Variants in CPED1 observed in about 807,000 individuals in gnomAD.
CPED1 encodes cadherin-like and PC-esterase domain-containing protein 1.
CPED1 carries 114 observed loss-of-function variants against 128.2 expected under a neutral mutation model. The ratio of observed to expected loss-of-function variants is 0.89; its 90% CI spans 0.76 to 1.04. The LOEUF (loss-of-function observed/expected upper bound fraction) is 1.04, where lower values mean the gene tolerates loss of function less well. Among genes scored for constraint, CPED1 ranks in the 50% least tolerant of loss-of-function variants. The pLI, the probability that CPED1 is intolerant of heterozygous loss-of-function variation, is 0.00. For missense variants in CPED1, 1,211 were observed against 1,207.1 expected (o/e 1.00, Z -0.05); for synonymous variants, 462 against 426.7 (o/e 1.08, Z -1.02).
chr7:121,112,219 C>T (rs1795129079), intron 7 of CPED1, among the ~76,000 whole-genome samples: 1 of 152,114 alleles, frequency 6.6e-6, no homozygotes. Context: ...AGGATATGTC[C>T]ATATCCTTAC....
At position 121,226,163 on chromosome 7, in the gene CPED1, C is replaced by T. The variant is rs147678103; in HGVS notation, c.2056-10551C>T. On this transcript the variant is annotated intron_variant, in intron 16 of 22. Coordinates refer to ENST00000310396, the MANE Select transcript of CPED1 (RefSeq NM_024913.5). ...TGTTGGTAATCTACAGATGGGGTTT[C>T]GGTGTGGATGTCCTTTTTGTTGATG... is the stretch of plus-strand genomic sequence containing the variant. 1.7e-3 allele frequency among the ~76,000 whole-genome samples: 255 copies of T among 152,130 alleles called. 6 individuals carry two copies. In the East Asian group the frequency reaches 0.04, roughly 24 times the overall value.
intron 16 of CPED1, among the ~76,000 whole-genome samples, chr7:121,221,128 G>A (rs116214532): frequency 9.9e-5 from 15 of 151,624 alleles, no homozygotes; most frequent in African/African-American, 1.9e-4. Context: ...TCCCCCACCC[G>A]ACAGGCCCCT....
intron 4 of CPED1, among the ~76,000 whole-genome samples, chr7:121,049,332 G>A (rs188742977): frequency 6.6e-6 from 1 of 152,322 alleles, no homozygotes; most frequent in Admixed American, 6.5e-5. Context: ...AACCAAGAAG[G>A]AGGTGTCCTT....
chr7:121,279,207 G>C (rs956858637), intron 22 of CPED1, among the ~76,000 whole-genome samples: 1 of 151,938 alleles, frequency 6.6e-6, no homozygotes, highest in African/African-American at 2.4e-5. Flanking sequence ...GGTTAGCTTA[G>C]TGTGACCCAG....
chr7:121,260,897 GATTTT>G (rs781687489), intron 18 of CPED1, among the ~76,000 whole-genome samples: 1 of 152,000 alleles, frequency 6.6e-6, no homozygotes, highest in Non-Finnish European at 1.5e-5. Context: ...AAAGGAAAAT[GATTTT>G]AATTTTTTTT....
intron 22 of CPED1, among the ~76,000 whole-genome samples, chr7:121,287,191 G>C (rs965048469): frequency 1.3e-5 from 2 of 152,060 alleles, no homozygotes; most frequent in African/African-American, 4.8e-5. Context: ...GGGATTTAAA[G>C]ATCATGAACC....
chr7:121,287,580 A>G (rs1303745956), intron 22 of CPED1, among the ~76,000 whole-genome samples: 1 of 152,190 alleles, frequency 6.6e-6, no homozygotes, highest in Admixed American at 6.5e-5. Context: ...CATAGTGACT[A>G]ATGAATACCT....
At chr7:121,036,507 A>ATATAT (rs1449540146) in intron 3 of CPED1, among the ~76,000 whole-genome samples, 94 of 133,898 alleles carry the variant, frequency 7.0e-4, no homozygotes, top group African/African-American at 2.6e-3. Flanking sequence ...ATATATATAT[A>ATATAT]TTTTTTTTTT....
chr7:121,127,160 T>G lies in CPED1; in HGVS notation c.1205T>G (p.Leu402Arg). Residue 402 changes from leucine to arginine, a missense_variant, in exon 10 of 23, where the codon CTT (leucine) becomes CGT (arginine). Transcript: ENST00000310396. ...DFEDQNTEEF[L>R]LNDTFNFLFP... ...GAGGACCAAAATACAGAAGAATTCC[T>G]TTTAAATGACACTTTCAATTTTCTC... is the stretch of plus-strand genomic sequence containing the variant. 6.3e-7 allele frequency: 1 copy of G among 1,596,148 alleles called. No homozygotes were observed. The highest frequency in any genetic ancestry group is 1.1e-5 in the South Asian group (1 of 90,622).
rs374141620 is a variant in CPED1, at chr7:121,129,287, GTATATATA to G, written c.1407+818_1408-814del. On this transcript the variant is annotated intron_variant, in intron 11 of 22. Coordinates refer to ENST00000310396, the MANE Select transcript of CPED1 (RefSeq NM_024913.5). The stretch of plus-strand genomic sequence containing the variant: ...AAAGTATATGTGTGTGTGTATATAT[GTATATATA>G]TATATATATATATATACGTATATAT... Among the ~76,000 whole-genome samples, 114 of 52,006 alleles carry G rather than the reference GTATATATA, an allele frequency of 2.2e-3. 1 individual carries two copies. The highest frequency in any genetic ancestry group is 5.2e-3 in the African/African-American group (92 of 17,664). 34.1% of individuals were successfully genotyped at this position (52,006 alleles called of 152,430 possible).
chr7:121,140,894 T>G lies in CPED1; in HGVS notation c.1767T>G (p.Phe589Leu). 1 of 1,612,598 alleles carries G rather than the reference T, an allele frequency of 6.2e-7. No individual in the cohort carries two copies. Among genetic ancestry groups the G allele is most frequent in the Non-Finnish European group, 8.5e-7 (1 of 1,179,086 alleles). The change falls in exon 15 of 23, where the codon TTT (phenylalanine) becomes TTG (leucine). Residue 589 changes from phenylalanine (F) to leucine (L), a missense_variant. Physicochemically the swap from Phe to Leu is conservative, Grantham distance 22 (BLOSUM62 0). Coordinates refer to ENST00000310396, the MANE Select transcript of CPED1 (RefSeq NM_024913.5). ...CACATTTGGAACTAAATCCTGACTT[T>G]CATCCAAAGATCAAAGATTATTACT... is the stretch of plus-strand genomic sequence containing the variant. ...THPHLELNPD[F>L]HPKIKDYYCE... is the part of the protein sequence containing the mutation.
intron 5 of CPED1, among the ~76,000 whole-genome samples, chr7:121,096,797 C>T (rs1794709917): frequency 6.6e-6 from 1 of 151,658 alleles, no homozygotes; most frequent in Non-Finnish European, 1.5e-5. Flanking sequence ...GGAAAGGATG[C>T]CAGGATGGGT....
At chr7:121,179,991 T>C (rs577636643) in intron 16 of CPED1, among the ~76,000 whole-genome samples, 1 of 152,212 alleles carries the variant, frequency 6.6e-6, no homozygotes, top group African/African-American at 2.4e-5. Flanking sequence ...ATTTAAAGTA[T>C]AAAACTGATT....
chr7:121,271,962 A>G (rs1444860296), intron 22 of CPED1, among the ~76,000 whole-genome samples: 2 of 152,080 alleles, frequency 1.3e-5, no homozygotes, highest in Non-Finnish European at 2.9e-5. Context: ...GCCTAAAACT[A>G]TTTTATTCTT....
intron 16 of CPED1, among the ~76,000 whole-genome samples, chr7:121,172,996 G>A (rs1216118979): frequency 1.3e-5 from 2 of 152,106 alleles, no homozygotes; most frequent in Non-Finnish European, 2.9e-5. Context: ...ATCTTTGTGT[G>A]TATACATATT....
rs1357368675 is a variant in CPED1, at chr7:121,192,384, A to T, written c.2056-44330A>T. 2.6e-5 allele frequency among the ~76,000 whole-genome samples: 4 copies of T among 152,170 alleles called. No individual in the cohort carries two copies. In the East Asian group the frequency reaches 7.7e-4, roughly 29 times the overall value. On this transcript the variant is annotated intron_variant, in intron 16 of 22. Coordinates refer to ENST00000310396, the MANE Select transcript of CPED1 (RefSeq NM_024913.5). ...TGCTCAACTGGTAAATATTTACTGC[A>T]GATATTCCAAAATCTAAAAACATCT...
chr7:121,177,851 G>A (rs1487763977), intron 16 of CPED1, among the ~76,000 whole-genome samples: 3 of 151,978 alleles, frequency 2.0e-5, no homozygotes, highest in Admixed American at 6.6e-5. Context: ...ATGACCAGGG[G>A]GTAAAGTTGT....
In CPED1 at chr7:120,989,538, A is replaced by G; in HGVS notation, c.-84A>G. On this transcript the variant is annotated 5_prime_UTR_variant, in exon 2 of 23. Coordinates refer to ENST00000310396, the MANE Select transcript of CPED1 (RefSeq NM_024913.5). ...TTGGAGTTGGGGAAAAAGAAGACAG[A>G]TTAGTATTTTTCATGCTGACAAAAA... 1 of 1,521,690 alleles carries G rather than the reference A, an allele frequency of 6.6e-7. No individual in the cohort carries two copies. The highest frequency in any genetic ancestry group is 2.0e-5 in the Admixed American group (1 of 50,700). The allele number at this position is 1,521,690 out of a possible 1,614,324, so 94.3% of individuals were successfully genotyped here. A position where few individuals can be genotyped will look rare whatever the true frequency, so the allele number is the denominator to read the frequency against.
chr7:121,270,495 C>G (rs994274414), intron 21 of CPED1, among the ~76,000 whole-genome samples: 2 of 151,920 alleles, frequency 1.3e-5, no homozygotes, highest in Non-Finnish European at 2.9e-5. Context: ...CTAGTTTTCT[C>G]CTAGGATTTT....
Sources: gnomAD v4.1 joint callset for allele counts (sites outside exome capture counted in the v4.1 genomes callset) on GRCh38, gnomAD v4.1.1 for gene constraint, MANE v1.5 for transcripts, NCBI Gene and HGNC (gene_info 2026-07-23, HGNC 2026-07-21) for gene names.